Variants in PPP1R16A observed in about 807,000 individuals in gnomAD.
PPP1R16A encodes protein phosphatase 1 regulatory subunit 16A.
In PPP1R16A, 39 loss-of-function variants were observed where a neutral mutation model predicts 46.6. The ratio of observed to expected loss-of-function variants is 0.84; its 90% CI spans 0.65 to 1.09. PPP1R16A has a LOEUF of 1.09. Ranked by LOEUF, PPP1R16A falls within the 50% of genes least tolerant of loss-of-function variation. The pLI is 0.00. For missense variants in PPP1R16A, 798 were observed against 735.6 expected, an observed-to-expected ratio of 1.08 and a Z score of -0.98; for synonymous variants, 413 against 321.5, an observed-to-expected ratio of 1.28 and a Z score of -3.04.
intron 2 of PPP1R16A, among the ~76,000 whole-genome samples, chr8:144,494,601 T>A (rs1471611069): frequency 6.6e-6 from 1 of 152,146 alleles, no homozygotes; most frequent in East Asian, 1.9e-4. Flanking sequence ...TCCCTGACGG[T>A]TAAATCTTAA....
chr8:144,499,308 C>T, intron 5 of PPP1R16A: 4 of 551,182 alleles, frequency 7.3e-6, no homozygotes, highest in Admixed American at 3.3e-5. Context: ...GGCCTCGGGC[C>T]CCCCCCCAGA....
chr8:144,499,052 T>C lies in PPP1R16A; in HGVS notation c.467T>C (p.Leu156Pro). The C allele has an allele frequency of 6.3e-7, 1 of 1,580,290 alleles. No individual in the cohort carries two copies. Among genetic ancestry groups the C allele is most frequent in the Non-Finnish European group, 8.6e-7 (1 of 1,160,232 alleles). ...TCGHLHLVEL[L>P]IASGANLLAV... ...GGCCACCTGCACCTGGTGGAGCTGC[T>C]CATCGCCAGGTAGGGCCTGTTGGGC... Residue 156 changes from leucine to proline, a missense_variant, in exon 5 of 12, where the codon CTC becomes CCC. Physicochemically the swap from Leu to Pro is moderately conservative, Grantham distance 98 (BLOSUM62 -3). Coordinates refer to ENST00000435887, the MANE Select transcript of PPP1R16A (RefSeq NM_001329443.2).
chr8:144,481,854 C>T (rs997196793), intron 1 of PPP1R16A, among the ~76,000 whole-genome samples: 6 of 151,536 alleles, frequency 4.0e-5, no homozygotes, highest in Non-Finnish European at 8.8e-5. Flanking sequence ...CTTGGCTCAC[C>T]GCATCCTCCG....
chr8:144,498,289 G>A (rs1166282009), intron 3 of PPP1R16A: 9 of 353,896 alleles, frequency 2.5e-5, no homozygotes, highest in South Asian at 1.6e-4. Flanking sequence ...AGCTGGGCCC[G>A]AGTTGGGATC....
intron 5 of PPP1R16A, chr8:144,499,316 A>G: frequency 5.6e-6 from 3 of 536,850 alleles, no homozygotes; most frequent in Non-Finnish European, 9.9e-6. Flanking sequence ...GCCCCCCCCC[A>G]GAGTGTGCAC....
Position 144,501,164 on chromosome 8 carries a change from C to T in PPP1R16A, c.1073C>T (p.Thr358Ile). Residue 358 changes from threonine (T) to isoleucine (I), a missense_variant, in exon 11 of 12, where the codon ACC becomes ATC. Thr to Ile is a moderately conservative substitution (Grantham distance 89). Transcript: ENST00000435887. ...VVRRVSLTQR[T>I]DLYRKQHAQE... ...AGGCGGGTGAGCCTAACCCAGCGCACCGACCTGTACCGCAAGCAGCACGCC... is the reference window on the plus strand; with the variant it reads ...AGGCGGGTGAGCCTAACCCAGCGCATCGACCTGTACCGCAAGCAGCACGCC... 6.2e-7 allele frequency: 1 copy of T among 1,610,786 alleles called. No homozygotes were observed.
At chr8:144,482,084 C>T (rs963435886) in intron 1 of PPP1R16A, among the ~76,000 whole-genome samples, 18 of 152,094 alleles carry the variant, frequency 1.2e-4, no homozygotes, top group Admixed American at 3.9e-4. Context: ...CTGCCGCCGC[C>T]GCCGCCGCCG....
chr8:144,491,636 G>A (rs530903752), intron 2 of PPP1R16A, among the ~76,000 whole-genome samples: 21 of 152,140 alleles, frequency 1.4e-4, no homozygotes, highest in Admixed American at 3.9e-4. Flanking sequence ...GGTGGCAGGC[G>A]CCTGTAGTTC....
chr8:144,499,113 G>A (rs533092034), intron 5 of PPP1R16A, 52 bp downstream of exon 5: 58 of 1,524,674 alleles, frequency 3.8e-5, no homozygotes, highest in African/African-American at 2.0e-4. Flanking sequence ...TCAGATGGCC[G>A]CTCAGGAGGC....
chr8:144,495,164 G>T (rs550599669), intron 2 of PPP1R16A, among the ~76,000 whole-genome samples: 45 of 152,212 alleles, frequency 3.0e-4, no homozygotes, highest in African/African-American at 8.0e-4. Context: ...AGGCCTACAG[G>T]GGGGGACTAT....
intron 2 of PPP1R16A, among the ~76,000 whole-genome samples, chr8:144,491,804 C>T (rs1004780021): frequency 1.3e-5 from 2 of 151,594 alleles, no homozygotes; most frequent in Non-Finnish European, 2.9e-5. Flanking sequence ...TGGTGGTGCC[C>T]ACCTATGGTC....
Position 144,501,643 on chromosome 8 carries a change from AC to A in PPP1R16A, c.1333del (p.His445ThrfsTer15), listed in dbSNP as rs777096925. On this transcript the variant is annotated frameshift_variant, in exon 12 of 12. Coordinates refer to ENST00000435887, the MANE Select transcript of PPP1R16A (RefSeq NM_001329443.2). LOFTEE classifies it low-confidence loss of function (END_TRUNC). ...CCAGCTGAGCCCCCTGGACAGCACC[AC>A]CCCCCACACCCTGGTCCACGACAAG... ...SYQLSPLDSTTPHTLVHDKAH... is the reference protein window; with the variant it reads ...SYQLSPLDSTXPHTLVHDKAH... 9 of 1,607,732 alleles carry A rather than the reference AC, an allele frequency of 5.6e-6. No homozygotes were observed. The highest frequency in any genetic ancestry group is 7.6e-6 in the Non-Finnish European group (9 of 1,178,028).
chr8:144,491,711 G>A (rs373556407), intron 2 of PPP1R16A, among the ~76,000 whole-genome samples: 3 of 151,278 alleles, frequency 2.0e-5, no homozygotes, highest in East Asian at 2.0e-4. Flanking sequence ...CGCAGTGAGC[G>A]GAGATTGCAG....
At chr8:144,487,596 C>G (rs1376382384) in intron 1 of PPP1R16A, among the ~76,000 whole-genome samples, 2 of 152,204 alleles carry the variant, frequency 1.3e-5, no homozygotes, top group African/African-American at 4.8e-5. Flanking sequence ...CCTTGAATCC[C>G]TGGGCTCAAG....
At position 144,497,355 on chromosome 8, in the gene PPP1R16A, C is replaced by T. The variant is rs1826125412; in HGVS notation, c.161C>T (p.Pro54Leu). Residue 54 changes from proline to leucine, a missense_variant, in exon 3 of 12, where the codon CCC becomes CTC. Coordinates refer to ENST00000435887, the MANE Select transcript of PPP1R16A (RefSeq NM_001329443.2). ...GGCAAGAAGGGTCCTGGGGAGCGTC[C>T]CCGGAAGGAGGCAGCCAGCCAAGGG... is the stretch of plus-strand genomic sequence containing the variant. ...AQGKKGPGERPRKEAASQGLL... is the reference protein window; with the variant it reads ...AQGKKGPGERLRKEAASQGLL... 1 of 1,612,882 alleles carries T rather than the reference C, an allele frequency of 6.2e-7. No homozygotes were observed. Among genetic ancestry groups the T allele is most frequent in the Non-Finnish European group, 8.5e-7 (1 of 1,179,978 alleles).
intron 1 of PPP1R16A, among the ~76,000 whole-genome samples, chr8:144,481,657 A>G (rs1825431069): frequency 6.6e-6 from 1 of 152,116 alleles, no homozygotes; most frequent in Non-Finnish European, 1.5e-5. Flanking sequence ...AAAATAAAAT[A>G]ATTTCACATC....
rs746477697 is a variant in PPP1R16A, at chr8:144,500,930, C to A, written c.996C>A (p.Arg332=). ...TCCTGCGCGCCCAGAGCCGCCAGCGCTCCTTGCTGCGCCGCCGCACCTCCA... is the reference window on the plus strand; with the variant it reads ...TCCTGCGCGCCCAGAGCCGCCAGCGATCCTTGCTGCGCCGCCGCACCTCCA... The part of the protein sequence containing the change: ...DALLRAQSRQ[R]SLLRRRTSSA... The change falls in exon 10 of 12, where the codon CGC becomes CGA. Residue 332 remains arginine, a synonymous_variant. Coordinates refer to ENST00000435887, the MANE Select transcript of PPP1R16A (RefSeq NM_001329443.2). 7.2e-6 allele frequency: 11 copies of A among 1,520,904 alleles called. No homozygotes were observed. The South Asian group carries it at 9.8e-5, about 14-fold the overall frequency. 94.2% of individuals were successfully genotyped at this position (1,520,904 alleles called of 1,614,324 possible).
At chr8:144,497,536 G>T (rs756699257) in intron 3 of PPP1R16A, 83 bp downstream of exon 3, 2 of 1,576,574 alleles carry the variant, frequency 1.3e-6, no homozygotes, top group Non-Finnish European at 1.7e-6. Flanking sequence ...CAAGGCTGGG[G>T]GCTGGGCCTG....
At chr8:144,492,233 C>T (rs1045402116) in intron 2 of PPP1R16A, among the ~76,000 whole-genome samples, 15 of 152,180 alleles carry the variant, frequency 9.9e-5, no homozygotes, top group Non-Finnish European at 1.3e-4. Context: ...CAGGCAGGCT[C>T]ACTTCCCTCT....
Sources: allele counts gnomAD v4.1 joint callset (sites outside exome capture counted in the v4.1 genomes callset), GRCh38; gene constraint gnomAD v4.1.1; transcripts MANE v1.5; gene names NCBI Gene and HGNC (gene_info 2026-07-23, HGNC 2026-07-21).